The following PDGFC variants were observed in gnomAD, a reference collection of about 807,000 sequenced individuals.
The protein encoded by PDGFC is platelet derived growth factor C.
Under a neutral mutation model 35.5 loss-of-function variants are expected in PDGFC, and 12 were observed. The ratio of observed to expected loss-of-function variants is 0.34; its 90% CI spans 0.22 to 0.55. The LOEUF is 0.55. Ranked by LOEUF, PDGFC falls within the 20% of genes least tolerant of loss-of-function variation. PDGFC has a pLI of 0.91. For missense variants in PDGFC, 322 were observed against 412.4 expected (o/e 0.78, Z 1.90); for synonymous variants, 159 against 148.8 (o/e 1.07, Z -0.50).
chr4:156,933,910 C>A (rs990182282), intron 1 of PDGFC, among the ~76,000 whole-genome samples: 1 of 152,136 alleles, frequency 6.6e-6, no homozygotes, highest in Admixed American at 6.5e-5. Flanking sequence ...CAAGGCCTCC[C>A]CAGCCATGTG....
chr4:156,806,081 A>G (rs1731760319), intron 3 of PDGFC, among the ~76,000 whole-genome samples: 1 of 152,136 alleles, frequency 6.6e-6, no homozygotes, highest in Non-Finnish European at 1.5e-5. Context: ...ATATAATTTA[A>G]TAACAAGAAT....
Position 156,838,387 on chromosome 4 carries a change from A to T in PDGFC, c.314+11834T>A, listed in dbSNP as rs149209744. ...TAGTTCCTGCTATGGCAATTGGCTC[A>T]CATATGGATACTTGGTCCAAACCAG... On this transcript the variant is annotated intron_variant, in intron 2 of 5. Transcript: ENST00000502773. Among the ~76,000 whole-genome samples the T allele has an allele frequency of 2.8e-3, 428 of 152,344 alleles. 1 individual carries two copies. Among genetic ancestry groups the T allele is most frequent in the African/African-American group, 9.9e-3 (412 of 41,584 alleles).
intron 2 of PDGFC, among the ~76,000 whole-genome samples, chr4:156,839,721 G>A (rs962411049): frequency 6.6e-6 from 1 of 152,210 alleles, no homozygotes; most frequent in Admixed American, 6.5e-5. Flanking sequence ...GGGCTCAGAA[G>A]ACAGGAAGAT....
Position 156,963,490 on chromosome 4 carries a change from A to C in PDGFC, c.118+7296T>G, listed in dbSNP as rs192348888. On this transcript the variant is annotated intron_variant, in intron 1 of 5. Coordinates refer to ENST00000502773, the MANE Select transcript of PDGFC (RefSeq NM_016205.3). ...TCTCAAAAATAAAACAAAACAAAAC[A>C]AATACAAAAGGGAAAAAGCTAAGTA... 2.8e-3 allele frequency among the ~76,000 whole-genome samples: 432 copies of C among 152,086 alleles called. 3 individuals carry two copies. Among genetic ancestry groups the C allele is most frequent in the Non-Finnish European group, 4.8e-3 (324 of 67,974 alleles).
At chr4:156,840,557 C>A (rs546180222) in intron 2 of PDGFC, among the ~76,000 whole-genome samples, 105 of 152,324 alleles carry the variant, frequency 6.9e-4, no homozygotes, top group African/African-American at 2.2e-3. Flanking sequence ...GGAGTTGAAT[C>A]CCCTACAGAA....
intron 1 of PDGFC, among the ~76,000 whole-genome samples, chr4:156,915,799 A>G (rs546326950): frequency 6.6e-6 from 1 of 152,188 alleles, no homozygotes; most frequent in Non-Finnish European, 1.5e-5. Flanking sequence ...AAAGAAAAGA[A>G]AATCACAAAG....
intron 2 of PDGFC, chr4:156,841,963 G>T (rs1360590358): frequency 6.6e-6 from 1 of 151,944 alleles, no homozygotes; most frequent in Non-Finnish European, 1.5e-5. Context: ...TTTTATTATG[G>T]CATATCTCTA....
In PDGFC at chr4:156,820,613, C is replaced by T. The variant is rs144812401; in HGVS notation, c.315-9596G>A. Among the ~76,000 whole-genome samples the T allele has an allele frequency of 1.6e-4, 24 of 152,258 alleles. No individual in the cohort carries two copies. In the East Asian group the frequency reaches 3.9e-3, roughly 24 times the overall value. ...TTTATTGCAGTGATCTGGTACCTAA[C>T]CAACAATATCTCCAAGGTACGCCTG... On this transcript the variant is annotated intron_variant, in intron 2 of 5. Coordinates refer to ENST00000502773, the MANE Select transcript of PDGFC (RefSeq NM_016205.3).
chr4:156,804,428 T>G (rs4478231), intron 3 of PDGFC, among the ~76,000 whole-genome samples: 1 of 151,990 alleles, frequency 6.6e-6, no homozygotes. Context: ...ATAACACATT[T>G]GAGAAAAAAT....
At chr4:156,951,699 A>C (rs1258759030) in intron 1 of PDGFC, among the ~76,000 whole-genome samples, 2 of 151,312 alleles carry the variant, frequency 1.3e-5, no homozygotes, top group Admixed American at 1.3e-4. Context: ...ATTTAGCTAA[A>C]ATCTGAGCCT....
chr4:156,806,393 T>C (rs1303896779), intron 3 of PDGFC, among the ~76,000 whole-genome samples: 1 of 152,062 alleles, frequency 6.6e-6, no homozygotes, highest in Non-Finnish European at 1.5e-5. Flanking sequence ...TTGTAAACAT[T>C]ATCATTACTT....
intron 3 of PDGFC, among the ~76,000 whole-genome samples, chr4:156,790,224 A>C (rs1467743004): frequency 6.6e-6 from 1 of 152,240 alleles, no homozygotes; most frequent in East Asian, 1.9e-4. Flanking sequence ...AATAATGCAC[A>C]TAATTGTATC....
chr4:156,845,138 A>T (rs1000357892), intron 2 of PDGFC, among the ~76,000 whole-genome samples: 1 of 151,882 alleles, frequency 6.6e-6, no homozygotes, highest in African/African-American at 2.4e-5. Context: ...TTGCTTCTAT[A>T]TAATCTATGC....
At chr4:156,913,945 G>C (rs1429791795) in intron 1 of PDGFC, among the ~76,000 whole-genome samples, 2 of 152,152 alleles carry the variant, frequency 1.3e-5, no homozygotes, top group Non-Finnish European at 2.9e-5. Flanking sequence ...GGACTTCTAA[G>C]GGTATTAGGT....
At chr4:156,768,620 T>C (rs778015475) in intron 4 of PDGFC, among the ~76,000 whole-genome samples, 2 of 152,012 alleles carry the variant, frequency 1.3e-5, no homozygotes, top group East Asian at 1.9e-4. Context: ...TTCAAATGCA[T>C]TGAATGATTT....
At chr4:156,946,276 T>C (rs1400225504) in intron 1 of PDGFC, among the ~76,000 whole-genome samples, 1 of 151,984 alleles carries the variant, frequency 6.6e-6, no homozygotes, top group African/African-American at 2.4e-5. Context: ...ATGGACTATG[T>C]TATCAGAATG....
chr4:156,805,090 T>A (rs1731723554), intron 3 of PDGFC, among the ~76,000 whole-genome samples: 1 of 151,974 alleles, frequency 6.6e-6, no homozygotes, highest in South Asian at 2.1e-4. Flanking sequence ...GACACCATGA[T>A]CGTCATATGA....
At chr4:156,780,998 A>G (rs1302098753) in intron 3 of PDGFC, among the ~76,000 whole-genome samples, 1 of 152,102 alleles carries the variant, frequency 6.6e-6, no homozygotes, top group Non-Finnish European at 1.5e-5. Context: ...GAGTGTCCCA[A>G]GGATCTCTGC....
chr4:156,845,143 C>A, intron 2 of PDGFC, among the ~76,000 whole-genome samples: 1 of 151,798 alleles, frequency 6.6e-6, no homozygotes, highest in African/African-American at 2.4e-5. Context: ...TCTATATAAT[C>A]TATGCTTTAA....
Sources: gnomAD v4.1 joint callset for allele counts (sites outside exome capture counted in the v4.1 genomes callset) on GRCh38, gnomAD v4.1.1 for gene constraint, MANE v1.5 for transcripts, NCBI Gene and HGNC (gene_info 2026-07-23, HGNC 2026-07-21) for gene names.